Variants in POLA2 observed in about 807,000 individuals in gnomAD.
POLA2 encodes DNA polymerase alpha subunit B.
Under a neutral mutation model 82.8 loss-of-function variants are expected in POLA2, and 47 were observed. That is an observed-to-expected ratio of 0.57 (90% CI 0.45 to 0.72). The LOEUF (loss-of-function observed/expected upper bound fraction) is 0.72. Among genes scored for constraint, POLA2 ranks in the 30% least tolerant of loss-of-function variants. POLA2 has a pLI of 0.00. For synonymous variants in POLA2, 287 were observed against 286.8 expected, an observed-to-expected ratio of 1.00 and a Z score of -0.01; for missense variants, 634 against 728.1, an observed-to-expected ratio of 0.87 and a Z score of 1.49.
chr11:65,304,351 T>C (rs1197213632), intron 8 of POLA2, among the ~76,000 whole-genome samples: 7 of 147,404 alleles, frequency 4.7e-5, no homozygotes, highest in Admixed American at 4.7e-4. Context: ...ATCCATCCAT[T>C]CATCCATCCA....
chr11:65,299,528 G>T (rs1198786379), downstream of POLA2, among the ~76,000 whole-genome samples: 1 of 152,180 alleles, frequency 6.6e-6, no homozygotes, highest in East Asian at 1.9e-4. Flanking sequence ...GGCACCCAAG[G>T]TTGGGGGCCG....
chr11:65,294,366 C>A, intron 14 of POLA2, 105 bp downstream of exon 14: 1 of 1,021,668 alleles, frequency 9.8e-7, no homozygotes. Flanking sequence ...TTAGGGTGTG[C>A]GTACAGCCTG....
At chr11:65,299,428 C>T (rs934278397), downstream of POLA2, among the ~76,000 whole-genome samples, 1 of 152,182 alleles carries the variant, frequency 6.6e-6, no homozygotes, top group African/African-American at 2.4e-5. Context: ...AGAGGGAGAG[C>T]TGCTGAGGGA....
Position 65,275,877 on chromosome 11 carries a change from CT to C in POLA2, c.355-7del, listed in dbSNP as rs200656176. 3.6e-5 allele frequency: 55 copies of C among 1,514,940 alleles called. No individual in the cohort carries two copies. The highest frequency in any genetic ancestry group is 1.2e-4 in the South Asian group (10 of 86,884). The allele number at this position is 1,514,940 out of a possible 1,614,324, so 93.8% of individuals were successfully genotyped here. A position where few individuals can be genotyped will look rare whatever the true frequency, so the allele number is the denominator to read the frequency against. ...CTAGTAGGACTGAGATTTTGTTTTC[CT>C]TTTTTTTCCCTAGGGTTCTCAGAAG... On this transcript the variant is annotated splice_polypyrimidine_tract_variant and intron_variant, in intron 4 of 17. Transcript: ENST00000265465.
At chr11:65,296,108 C>A in intron 17 of POLA2, 118 bp downstream of exon 17, 1 of 1,109,780 alleles carries the variant, frequency 9.0e-7, no homozygotes, top group Admixed American at 1.9e-5. Context: ...GCCTCTAGCA[C>A]CCTGCCCTGT....
chr11:65,299,619 A>C (rs542922402), downstream of POLA2, among the ~76,000 whole-genome samples: 1 of 152,298 alleles, frequency 6.6e-6, no homozygotes, highest in African/African-American at 2.4e-5. Flanking sequence ...CTTTGACCTC[A>C]GGGCACCCGG....
At chr11:65,299,551 C>T (rs574204300), downstream of POLA2, among the ~76,000 whole-genome samples, 22 of 152,334 alleles carry the variant, frequency 1.4e-4, no homozygotes, top group Middle Eastern at 0.014. Context: ...AGGGCCATGG[C>T]GCGGATCCTC....
downstream of POLA2, among the ~76,000 whole-genome samples, chr11:65,301,810 T>C (rs1949860678): frequency 6.6e-6 from 1 of 152,172 alleles, no homozygotes; most frequent in African/African-American, 2.4e-5. Flanking sequence ...CCCAGCTGCA[T>C]TCAGGCATTT....
chr11:65,273,908 C>T lies in POLA2; in HGVS notation c.355-1984C>T, dbSNP rs190384191. 8.5e-5 allele frequency among the ~76,000 whole-genome samples: 13 copies of T among 152,128 alleles called. No homozygotes were observed. The East Asian group carries it at 9.6e-4, about 11-fold the overall frequency. ...GGGAAAAGCTGTATGCATGAAGATA[C>T]GCATTTTAGCATTTTTTTAATTTAA... On this transcript the variant is annotated intron_variant, in intron 4 of 17. Transcript: ENST00000265465.
intron 1 of POLA2, among the ~76,000 whole-genome samples, chr11:65,264,955 G>A (rs147922904): frequency 1.0e-3 from 152 of 152,278 alleles, no homozygotes; most frequent in Middle Eastern, 3.4e-3. Context: ...GGTCGGCCGG[G>A]TGCGGTGGCT....
chr11:65,296,395 C>T (rs1281235037), intron 17 of POLA2: 1 of 193,836 alleles, frequency 5.2e-6, no homozygotes, highest in Non-Finnish European at 1.1e-5. Flanking sequence ...TCATTTTGAT[C>T]TCTGCCACCC....
chr11:65,290,654 C>T (rs1211649927), intron 13 of POLA2, among the ~76,000 whole-genome samples: 1 of 152,198 alleles, frequency 6.6e-6, no homozygotes, highest in African/African-American at 2.4e-5. Context: ...CAAAGATAAA[C>T]ATACTTGACA....
At chr11:65,276,790 C>CT (rs1267118697) in intron 5 of POLA2, among the ~76,000 whole-genome samples, 1,797 of 137,702 alleles carry the variant, frequency 0.013, 22 homozygotes, top group East Asian at 0.021. Flanking sequence ...AACTCTATCA[C>CT]TTTTTTTTTT....
chr11:65,283,973 A>G (rs980891371), intron 10 of POLA2, among the ~76,000 whole-genome samples: 1 of 151,600 alleles, frequency 6.6e-6, no homozygotes, highest in Admixed American at 6.6e-5. Context: ...CTCTACAAAA[A>G]AAAAAAAAAA....
chr11:65,267,948 C>T (rs1363350172), intron 3 of POLA2, among the ~76,000 whole-genome samples: 1 of 151,876 alleles, frequency 6.6e-6, no homozygotes, highest in Non-Finnish European at 1.5e-5. Context: ...CACACCACCA[C>T]ACCTGGATAA....
chr11:65,305,422 T>C (rs1274467806), exon 9 of POLA2: 1 of 456,024 alleles, frequency 2.2e-6, no homozygotes, highest in Non-Finnish European at 4.4e-6. Flanking sequence ...AACCAGGGGC[T>C]GGTGAGCCTG....
intron 1 of POLA2, chr11:65,266,341 G>A (rs1344119392): frequency 2.1e-6 from 1 of 487,646 alleles, no homozygotes; most frequent in Non-Finnish European, 3.7e-6. Context: ...CTCTCACCTG[G>A]GCTTTTCCAT....
chr11:65,266,675 C>T lies in POLA2; in HGVS notation c.173C>T (p.Thr58Ile), dbSNP rs1565466002. The change falls in exon 2 of 18, where the codon ACC becomes ATC. Residue 58 changes from threonine to isoleucine, a missense_variant. Coordinates refer to ENST00000265465, the MANE Select transcript of POLA2 (RefSeq NM_002689.4). ...ACCAGCACACATAAAGTTGGCCTTA[C>T]CTCAGAGATCCTGAACTCTTTTGAG... ...FCTSTHKVGL[T>I]SEILNSFEHE... 6.2e-7 allele frequency: 1 copy of T among 1,614,120 alleles called. No homozygotes were observed. The highest frequency in any genetic ancestry group is 8.5e-7 in the Non-Finnish European group (1 of 1,179,982).
At chr11:65,288,412 A>G (rs960260375) in intron 11 of POLA2, among the ~76,000 whole-genome samples, 1 of 152,172 alleles carries the variant, frequency 6.6e-6, no homozygotes, top group Non-Finnish European at 1.5e-5. Flanking sequence ...ATCTCTTTTT[A>G]AAGCTCAAAA....
Sources: gnomAD v4.1 joint callset for allele counts (sites outside exome capture counted in the v4.1 genomes callset) on GRCh38, gnomAD v4.1.1 for gene constraint, MANE v1.5 for transcripts, NCBI Gene and HGNC (gene_info 2026-07-23, HGNC 2026-07-21) for gene names.